The following NR3C2 variants were observed in gnomAD, a reference collection of about 807,000 sequenced individuals.
The protein encoded by NR3C2 is mineralocorticoid receptor.
Under a neutral mutation model 86.4 loss-of-function variants are expected in NR3C2, and 15 were observed. The ratio of observed to expected loss-of-function variants is 0.17; its 90% CI spans 0.12 to 0.27. The LOEUF (loss-of-function observed/expected upper bound fraction) is 0.27. NR3C2 is among the 10% of genes least tolerant of loss of function. The pLI is 1.00. For missense variants in NR3C2, 960 were observed against 1,195.6 expected, an observed-to-expected ratio of 0.80 and a Z score of 2.91; for synonymous variants, 458 against 450.5, an observed-to-expected ratio of 1.02 and a Z score of -0.21.
chr4:148,159,171 T>C (rs1176570909), intron 4 of NR3C2, among the ~76,000 whole-genome samples: 1 of 152,200 alleles, frequency 6.6e-6, no homozygotes, highest in East Asian at 1.9e-4. Flanking sequence ...TAACATCATA[T>C]CACTTCCCAT....
At chr4:148,230,720 A>C (rs113840494) in intron 3 of NR3C2, among the ~76,000 whole-genome samples, 2 of 152,328 alleles carry the variant, frequency 1.3e-5, no homozygotes, top group Non-Finnish European at 2.9e-5. Context: ...GTTTCATTTA[A>C]GCTTTCATGC....
chr4:148,266,487 G>T (rs2149879087), intron 2 of NR3C2, among the ~76,000 whole-genome samples: 1 of 152,288 alleles, frequency 6.6e-6, no homozygotes, highest in Non-Finnish European at 1.5e-5. Context: ...ACACATTCCA[G>T]AGAGAAAAAT....
intron 2 of NR3C2, among the ~76,000 whole-genome samples, chr4:148,401,464 T>TG (rs1181886345): frequency 6.8e-6 from 1 of 146,238 alleles, no homozygotes; most frequent in Non-Finnish European, 1.5e-5. Flanking sequence ...GTTGTCTCTT[T>TG]TTTTTTTTTT....
Position 148,244,989 on chromosome 4 carries a change from A to AT in NR3C2, c.1897+14988dup, listed in dbSNP as rs201646000. On this transcript the variant is annotated intron_variant, in intron 3 of 8. Transcript: ENST00000358102. ...TGGATGTCTGCATCCAATTTCAATGATTTTTTTTTCTCACCAGGATTCGAA... is the reference window on the plus strand; with the variant it reads ...TGGATGTCTGCATCCAATTTCAATGATTTTTTTTTTCTCACCAGGATTCGAA... Among the ~76,000 whole-genome samples the AT allele has an allele frequency of 3.7e-3, 555 of 151,678 alleles. 2 individuals are homozygous for AT. Among genetic ancestry groups the AT allele is most frequent in the Non-Finnish European group, 6.0e-3 (406 of 67,816 alleles).
chr4:148,341,019 T>C (rs1290167179), intron 2 of NR3C2, among the ~76,000 whole-genome samples: 1 of 152,036 alleles, frequency 6.6e-6, no homozygotes, highest in Non-Finnish European at 1.5e-5. Flanking sequence ...TGTACACTGT[T>C]GGTAGGAAGA....
rs758366316 is a variant in NR3C2 at position 148,370,572 on chromosome 4, T to TA, written c.1757+64531dup. 5.9e-5 allele frequency among the ~76,000 whole-genome samples: 9 copies of TA among 152,126 alleles called. No homozygotes were observed. The East Asian group carries it at 1.7e-3, about 29-fold the overall frequency. ...AGAAACAGACGTGTATTGTTAGGAG[T>TA]AAAATTACATGAAATGCTGTCAAAA... On this transcript the variant is annotated intron_variant, in intron 2 of 8. Transcript: ENST00000358102.
chr4:148,231,798 T>A (rs1393570582), intron 3 of NR3C2, among the ~76,000 whole-genome samples: 1 of 152,254 alleles, frequency 6.6e-6, no homozygotes, highest in Non-Finnish European at 1.5e-5. Flanking sequence ...CACTGCTGTG[T>A]CAACTAAGTT....
intron 2 of NR3C2, among the ~76,000 whole-genome samples, chr4:148,308,544 A>G (rs1394288967): frequency 6.6e-6 from 1 of 152,200 alleles, no homozygotes; most frequent in Non-Finnish European, 1.5e-5. Context: ...CTCTCATAGA[A>G]GCAAAAAGTA....
intron 2 of NR3C2, among the ~76,000 whole-genome samples, chr4:148,368,733 A>G (rs1457072731): frequency 6.6e-6 from 1 of 152,208 alleles, no homozygotes; most frequent in African/African-American, 2.4e-5. Context: ...AGAATAAGTC[A>G]AAGAAAAGAT....
chr4:148,430,457 C>T (rs758616424), intron 2 of NR3C2, among the ~76,000 whole-genome samples: 8 of 151,512 alleles, frequency 5.3e-5, no homozygotes, highest in Non-Finnish European at 7.4e-5. Flanking sequence ...GAAATATAAG[C>T]GAATGAAAAA....
At chr4:148,103,543 CAG>C (rs1475071093) in intron 8 of NR3C2, among the ~76,000 whole-genome samples, 2 of 152,228 alleles carry the variant, frequency 1.3e-5, no homozygotes, top group Non-Finnish European at 2.9e-5. Context: ...GCTCGTTTCA[CAG>C]AGTGAATAAC....
chr4:148,431,695 T>C (rs1367768132), intron 2 of NR3C2, among the ~76,000 whole-genome samples: 1 of 152,192 alleles, frequency 6.6e-6, no homozygotes, highest in Non-Finnish European at 1.5e-5. Flanking sequence ...CTCACAGCCA[T>C]TACTCATTTC....
At chr4:148,100,562 A>C (rs191225455) in intron 8 of NR3C2, among the ~76,000 whole-genome samples, 1 of 152,366 alleles carries the variant, frequency 6.6e-6, no homozygotes, top group East Asian at 1.9e-4. Flanking sequence ...AAGAAATCCC[A>C]GAAAATAACA....
At chr4:148,395,469 G>T (rs1391863969) in intron 2 of NR3C2, among the ~76,000 whole-genome samples, 3 of 152,152 alleles carry the variant, frequency 2.0e-5, no homozygotes, top group African/African-American at 7.2e-5. Flanking sequence ...TACCACAAGG[G>T]TTATCCTAAC....
chr4:148,167,174 A>G (rs1308530899), intron 4 of NR3C2, among the ~76,000 whole-genome samples: 2 of 152,168 alleles, frequency 1.3e-5, no homozygotes, highest in Non-Finnish European at 2.9e-5. Flanking sequence ...TGGCTTTGTT[A>G]GTGTAAGGAC....
At chr4:148,395,496 C>A (rs1292693506) in intron 2 of NR3C2, among the ~76,000 whole-genome samples, 3 of 152,152 alleles carry the variant, frequency 2.0e-5, no homozygotes, top group African/African-American at 4.8e-5. Context: ...AGATGCACTT[C>A]TCAAAAGAAA....
At chr4:148,321,546 A>T (rs1474717622) in intron 2 of NR3C2, among the ~76,000 whole-genome samples, 8 of 152,100 alleles carry the variant, frequency 5.3e-5, no homozygotes, top group Non-Finnish European at 1.2e-4. Flanking sequence ...GACTTGCTTC[A>T]TGAATCTTGG....
At chr4:148,141,150 C>T (rs6815139) in intron 6 of NR3C2, among the ~76,000 whole-genome samples, 40,316 of 151,932 alleles carry the variant, frequency 0.27, 6,027 homozygotes, top group East Asian at 0.6. Context: ...TGTATTTTTG[C>T]GGCCGGGTGT....
intron 3 of NR3C2, among the ~76,000 whole-genome samples, chr4:148,233,562 G>A (rs1290284504): frequency 6.6e-6 from 1 of 151,928 alleles, no homozygotes; most frequent in Non-Finnish European, 1.5e-5. Flanking sequence ...GTTTCACCAT[G>A]TTGTCCAGGC....
Sources: gnomAD v4.1 joint callset for allele counts (sites outside exome capture counted in the v4.1 genomes callset) on GRCh38, gnomAD v4.1.1 for gene constraint, MANE v1.5 for transcripts, NCBI Gene and HGNC (gene_info 2026-07-23, HGNC 2026-07-21) for gene names.